The following TP53I13 variants were observed in gnomAD, a reference collection of about 807,000 sequenced individuals.
TP53I13 encodes the protein tumor protein p53-inducible protein 13.
Under a neutral mutation model 39.1 loss-of-function variants are expected in TP53I13, and 27 were observed. The observed-to-expected ratio is 0.69, with a 90% CI of 0.51 to 0.95. The LOEUF (loss-of-function observed/expected upper bound fraction) is 0.95, where lower values mean the gene tolerates loss of function less well. TP53I13 is among the 40% of genes least tolerant of loss of function. TP53I13 has a pLI of 0.00. For synonymous variants in TP53I13, 230 were observed against 224.6 expected (o/e 1.02, Z -0.22); for missense variants, 544 against 520.4 (o/e 1.05, Z -0.44).
chr17:29,576,116 C>T (rs1166333111), downstream of TP53I13: 5 of 1,613,644 alleles, frequency 3.1e-6, no homozygotes, highest in African/African-American at 2.7e-5. Flanking sequence ...GAATAGATGG[C>T]GTCGTCCTCT....
At chr17:29,577,782 A>G, downstream of TP53I13, 1 of 1,261,144 alleles carries the variant, frequency 7.9e-7, no homozygotes, top group Non-Finnish European at 1.2e-6. Context: ...CACGGTGGCC[A>G]GGCCCCCAAG....
upstream of TP53I13, chr17:29,568,675 G>GCGCGGGGT: frequency 1.1e-6 from 1 of 924,326 alleles, no homozygotes; most frequent in Non-Finnish European, 1.3e-6. This position sits in a 1 kb window ranked among gnomAD's most constrained non-coding sequence, Gnocchi z 4.5. Flanking sequence ...CGGCGCGGGG[G>GCGCGGGGT]CGCTGGGGCT....
chr17:29,567,115 G>T, upstream of TP53I13: 1 of 564,030 alleles, frequency 1.8e-6, no homozygotes, highest in Non-Finnish European at 2.4e-6. This position sits in a 1 kb window ranked among gnomAD's most constrained non-coding sequence, Gnocchi z 6.6. Flanking sequence ...GCCGGGCAGA[G>T]GCAGCCAGTT....
At chr17:29,575,294 T>C, downstream of TP53I13, 1 of 1,611,438 alleles carries the variant, frequency 6.2e-7, no homozygotes, top group Non-Finnish European at 8.5e-7. This position sits in a 1 kb window ranked among gnomAD's most constrained non-coding sequence, Gnocchi z 5.5. Context: ...GTACCTGTCA[T>C]GCTTGAACTC....
chr17:29,577,949 G>A (rs2033270225), downstream of TP53I13, among the ~76,000 whole-genome samples: 1 of 152,252 alleles, frequency 6.6e-6, no homozygotes, highest in East Asian at 1.9e-4. Context: ...ATGGAACAAG[G>A]CCAGTGCCAC....
At chr17:29,569,393 T>A (rs1420498117) in intron 3 of TP53I13, 34 bp downstream of exon 3, 1 of 1,610,148 alleles carries the variant, frequency 6.2e-7, no homozygotes, top group Non-Finnish European at 8.5e-7. Context: ...ACCCTTGGTG[T>A]CCACGCCTGG....
At chr17:29,581,953 A>G in the TP53I13 span, 401 of 1,522,166 alleles carry the variant, frequency 2.6e-4, 4 homozygotes, top group South Asian at 4.2e-3. The surrounding 1 kb of genome is among the most constrained non-coding windows in gnomAD (Gnocchi z 4.8). Flanking sequence ...GTGTGCGGCC[A>G]TTAACATCAG....
At chr17:29,576,368 G>A (rs147918419), downstream of TP53I13, 52 of 1,613,320 alleles carry the variant, frequency 3.2e-5, no homozygotes, top group African/African-American at 9.3e-5. Flanking sequence ...TGTGTGTTCC[G>A]CCCGTTCACT....
chr17:29,572,651 G>C lies in TP53I13; in HGVS notation c.1023G>C (p.Glu341Asp). 2.5e-6 allele frequency: 4 copies of C among 1,583,804 alleles called. No individual in the cohort carries two copies. Among genetic ancestry groups the C allele is most frequent in the Non-Finnish European group, 3.4e-6 (4 of 1,165,932 alleles). ...TGCACAGAAACTTCCGACGCGGGGAGAGCATCTACTGGGGGCCCACAGCGG... is the reference window on the plus strand; with the variant it reads ...TGCACAGAAACTTCCGACGCGGGGACAGCATCTACTGGGGGCCCACAGCGG... ...TRLHRNFRRG[E>D]SIYWGPTADS... The change falls in exon 6 of 7, where the codon GAG (glutamate) becomes GAC (aspartate). Residue 341 changes from glutamate to aspartate, a missense_variant. Physicochemically the swap from Glu to Asp is conservative, Grantham distance 45. Coordinates refer to ENST00000301057, the MANE Select transcript of TP53I13 (RefSeq NM_138349.4).
chr17:29,572,074 C>T lies in TP53I13; in HGVS notation c.513+17C>T, dbSNP rs200111294. ...TGTGTGCAGGTGAGAGACGCTGGGC[C>T]CAGGCTTGTTGGCCCTCGGGTTCTC... On this transcript the variant is annotated intron_variant, in intron 5 of 6. Coordinates refer to ENST00000301057, the MANE Select transcript of TP53I13 (RefSeq NM_138349.4). 6.2e-7 allele frequency: 1 copy of T among 1,612,554 alleles called. No individual in the cohort carries two copies.
At chr17:29,574,005 C>G (rs886267576), downstream of TP53I13, 1 of 152,522 alleles carries the variant, frequency 6.6e-6, no homozygotes, top group African/African-American at 2.4e-5. Context: ...GGTCCCCTCA[C>G]CCCTCAAAAC....
chr17:29,582,192 C>CGGAG, the TP53I13 span: 1 of 1,382,328 alleles, frequency 7.2e-7, no homozygotes, highest in Non-Finnish European at 9.9e-7. Flanking sequence ...GTGAGGCGCA[C>CGGAG]CTCCCCACCC....
At chr17:29,576,040 C>G (rs774313540), downstream of TP53I13, 6 of 1,607,834 alleles carry the variant, frequency 3.7e-6, no homozygotes, top group South Asian at 6.6e-5. Flanking sequence ...GGGCTCAGAA[C>G]CTACTGGCTA....
At chr17:29,572,766 G>A (rs2033006076) in intron 6 of TP53I13, 46 bp from the exon 7 acceptor site, 6 of 1,477,610 alleles carry the variant, frequency 4.1e-6, no homozygotes, top group Non-Finnish European at 5.5e-6. Context: ...GCCCCCCGTA[G>A]CTTCCCTGCC....
upstream of TP53I13, chr17:29,566,942 C>G: frequency 2.8e-6 from 4 of 1,422,608 alleles, no homozygotes; most frequent in Non-Finnish European, 3.6e-6. Flanking sequence ...AAGATGAGCG[C>G]GAGGGCGGCG....
chr17:29,575,131 C>T, downstream of TP53I13: 1 of 1,600,478 alleles, frequency 6.2e-7, no homozygotes. The surrounding 1 kb of genome is among the most constrained non-coding windows in gnomAD (Gnocchi z 5.5). Flanking sequence ...CTTCTCTGAG[C>T]AGGGCACGAA....
chr17:29,572,074 C>A lies in TP53I13; in HGVS notation c.513+17C>A, dbSNP rs200111294. 3.0e-5 allele frequency: 48 copies of A among 1,612,554 alleles called. No homozygotes were observed. In the African/African-American group the frequency reaches 5.7e-4, roughly 19 times the overall value. ...TGTGTGCAGGTGAGAGACGCTGGGC[C>A]CAGGCTTGTTGGCCCTCGGGTTCTC... On this transcript the variant is annotated intron_variant, in intron 5 of 6. Coordinates refer to ENST00000301057, the MANE Select transcript of TP53I13 (RefSeq NM_138349.4).
In TP53I13 at chr17:29,572,882, G is replaced by C. The variant is rs760191539; in HGVS notation, c.1140G>C (p.Pro380=). The change falls in exon 7 of 7, where the codon CCG becomes CCC. Residue 380 remains proline, a synonymous_variant. Transcript: ENST00000301057. The part of the protein sequence containing the change: ...VKRSRRRPLL[P]PTPDSGPEGE... ...GCTCGCGCCGGAGACCCCTCCTCCC[G>C]CCCACGCCGGACAGCGGCCCGGAAG... 7.9e-6 allele frequency: 12 copies of C among 1,514,984 alleles called. No homozygotes were observed. Among genetic ancestry groups the C allele is most frequent in the Non-Finnish European group, 8.8e-6 (10 of 1,138,876 alleles). The allele number at this position is 1,514,984 out of a possible 1,614,324, so 93.8% of individuals were successfully genotyped here.
At chr17:29,571,823 T>G (rs1359051761) in intron 4 of TP53I13, 34 bp from the exon 5 acceptor site, 2 of 1,612,538 alleles carry the variant, frequency 1.2e-6, no homozygotes, top group Non-Finnish European at 1.7e-6. Flanking sequence ...GTCCCCACCT[T>G]CCTCGTAGCT....
Sources: allele counts gnomAD v4.1 joint callset (sites outside exome capture counted in the v4.1 genomes callset), GRCh38; gene constraint gnomAD v4.1.1; non-coding constraint Gnocchi (gnomAD v3.1); transcripts MANE v1.5; gene names NCBI Gene and HGNC (gene_info 2026-07-23, HGNC 2026-07-21).